The following IKBKG variants were observed in gnomAD, a reference collection of about 807,000 sequenced individuals.
IKBKG encodes inhibitor of nuclear factor kappa B kinase regulatory subunit gamma, also known as NF-kappa-B essential modulator.
A neutral mutation model predicts 13.7 loss-of-function variants in IKBKG; 2 were observed. The observed-to-expected ratio is 0.15, with a 90% CI of 0.06 to 0.46. IKBKG has a LOEUF of 0.46. Among genes scored for constraint, IKBKG ranks in the 20% least tolerant of loss-of-function variants. The pLI, the probability that IKBKG is intolerant of heterozygous loss-of-function variation, is 0.98. For missense variants in IKBKG, 53 were observed against 150.3 expected (o/e 0.35, Z 3.39); for synonymous variants, 22 against 64.4 (o/e 0.34, Z 3.15).
At chrX:154,553,661 C>T (rs6643680) in intron 2 of IKBKG, among the ~76,000 whole-genome samples, 69 of 112,763 alleles carry the variant, frequency 6.1e-4, no homozygotes, top group African/African-American at 1.4e-3. Flanking sequence ...TTCTCTTGTA[C>T]GTTGTAGGGT....
At chrX:154,550,260 A>ATG (rs781959969) in intron 1 of IKBKG, among the ~76,000 whole-genome samples, 1,196 of 94,080 alleles carry the variant, frequency 0.013, 15 homozygotes, top group South Asian at 0.071. Context: ...GTGTGTGTGT[A>ATG]TGTGTGTGTG....
chrX:154,542,584 G>A, upstream of IKBKG: 1 of 873,709 alleles, frequency 1.1e-6, no homozygotes, highest in Non-Finnish European at 1.5e-6. Context: ...TGTGAGGTAA[G>A]CTGGCCAGGG....
chrX:154,551,112 A>ATTT (rs55905799), intron 1 of IKBKG, among the ~76,000 whole-genome samples: 4 of 88,426 alleles, frequency 4.5e-5, no homozygotes, highest in African/African-American at 1.8e-4. Context: ...GTGACCGGCA[A>ATTT]TTTTTTTTTT....
chrX:154,546,301 G>A, upstream of IKBKG: 1 of 829,136 alleles, frequency 1.2e-6, no homozygotes, highest in East Asian at 3.2e-5. Flanking sequence ...GAACGGCTGG[G>A]CATTGGGGAG....
upstream of IKBKG, among the ~76,000 whole-genome samples, chrX:154,545,064 G>T (rs1175362920): frequency 2.7e-5 from 3 of 111,922 alleles, no homozygotes; most frequent in Non-Finnish European, 5.7e-5. Flanking sequence ...TGAAGCCCTT[G>T]TTCCACCAGC....
At chrX:154,554,991 G>T (rs782540330) in intron 2 of IKBKG, among the ~76,000 whole-genome samples, 1 of 111,522 alleles carries the variant, frequency 9.0e-6, no homozygotes, top group South Asian at 3.8e-4. Flanking sequence ...ACTACTTGGG[G>T]TGTCTCCTGG....
chrX:154,549,276 C>T (rs1298080615), intron 1 of IKBKG, among the ~76,000 whole-genome samples: 7 of 108,520 alleles, frequency 6.5e-5, no homozygotes, highest in South Asian at 8.0e-4. Context: ...CCACCGCGCC[C>T]GGCCTCTTTT....
At chrX:154,547,249 G>GT (rs2070765488), upstream of IKBKG, 2 of 660,815 alleles carry the variant, frequency 3.0e-6, no homozygotes, top group Admixed American at 8.6e-5. Flanking sequence ...CCTCTGGGCT[G>GT]TCCCTCGGCT....
At chrX:154,547,370 G>A (rs1337162839), upstream of IKBKG, 32 of 754,503 alleles carry the variant, frequency 4.2e-5, no homozygotes, top group Admixed American at 8.5e-4. Flanking sequence ...GAGAGGGCGG[G>A]GCGGCCGAGC....
intron 1 of IKBKG, among the ~76,000 whole-genome samples, chrX:154,549,799 GC>G (rs2070877712): frequency 1.8e-5 from 2 of 111,823 alleles, no homozygotes; most frequent in South Asian, 7.4e-4. Flanking sequence ...CTGTGGATTT[GC>G]CTGTTGTAGA....
At chrX:154,550,025 G>A (rs1169248537) in intron 1 of IKBKG, among the ~76,000 whole-genome samples, 1 of 111,052 alleles carries the variant, frequency 9.0e-6, no homozygotes, top group Non-Finnish European at 1.9e-5. Context: ...ATTTCTCTCC[G>A]GTATATACCT....
intron 1 of IKBKG, chrX:154,542,191 G>A: frequency 1.5e-6 from 1 of 650,456 alleles, no homozygotes; most frequent in South Asian, 2.6e-5. Flanking sequence ...TGAGGAAAGG[G>A]GAGGCGGGGG....
chrX:154,547,307 G>A (rs2070768991), upstream of IKBKG: 22 of 752,464 alleles, frequency 2.9e-5, no homozygotes, highest in East Asian at 1.5e-4. Flanking sequence ...ACCCTCGCCT[G>A]TTCGCGGGTC....
intron 2 of IKBKG, among the ~76,000 whole-genome samples, chrX:154,555,514 C>T (rs1457649723): frequency 2.7e-5 from 3 of 112,950 alleles, no homozygotes; most frequent in Non-Finnish European, 5.6e-5. Flanking sequence ...TGAGACCAGC[C>T]TGGGCAACAT....
intron 2 of IKBKG, among the ~76,000 whole-genome samples, chrX:154,553,730 A>G (rs1244880337): frequency 1.8e-5 from 2 of 112,865 alleles, no homozygotes; most frequent in East Asian, 5.5e-4. Flanking sequence ...TCCTGTTGTG[A>G]CAACTAACAA....
upstream of IKBKG, among the ~76,000 whole-genome samples, chrX:154,546,473 G>A (rs1314792974): frequency 8.9e-6 from 1 of 112,079 alleles, no homozygotes; most frequent in South Asian, 3.7e-4. Context: ...GCATGGAACT[G>A]CGTGCCCAGG....
At chrX:154,548,551 T>C (rs1376599776) in intron 1 of IKBKG, among the ~76,000 whole-genome samples, 1 of 112,311 alleles carries the variant, frequency 8.9e-6, no homozygotes, top group Admixed American at 9.4e-5. Context: ...AAAATGAGTA[T>C]AGTAAATCTT....
At chrX:154,545,269 C>T (rs1355595060), upstream of IKBKG, among the ~76,000 whole-genome samples, 4 of 111,339 alleles carry the variant, frequency 3.6e-5, no homozygotes, top group Non-Finnish European at 7.6e-5. Flanking sequence ...AGGCAGAGCT[C>T]CTTGGTAGGC....
At chrX:154,543,469 CTTGG>C (rs2070585128), upstream of IKBKG, among the ~76,000 whole-genome samples, 1 of 112,196 alleles carries the variant, frequency 8.9e-6, no homozygotes, top group Non-Finnish European at 1.9e-5. Flanking sequence ...ACACAGCAAG[CTTGG>C]ATGCTCTCAA....
Sources: gnomAD v4.1 joint callset for allele counts (sites outside exome capture counted in the v4.1 genomes callset) on GRCh38, gnomAD v4.1.1 for gene constraint, MANE v1.5 for transcripts, NCBI Gene and HGNC (gene_info 2026-07-23, HGNC 2026-07-21) for gene names.